GCNT1: variants seen among roughly 807,000 people sequenced by gnomAD.
GCNT1 encodes the protein beta-1,3-galactosyl-O-glycosyl-glycoprotein beta-1,6-N-acetylglucosaminyltransferase.
Under a neutral mutation model 26.2 loss-of-function variants are expected in GCNT1, and 16 were observed. The ratio of observed to expected loss-of-function variants is 0.61; its 90% CI spans 0.41 to 0.93. GCNT1 has a LOEUF of 0.93. GCNT1 is among the 40% of genes least tolerant of loss of function. The probability of loss-of-function intolerance (pLI) is 0.00; values close to 1 mark genes in which losing one functional copy is unlikely to be tolerated. For missense variants in GCNT1, 477 were observed against 526.7 expected (o/e 0.91, Z 0.92); for synonymous variants, 183 against 190.8 (o/e 0.96, Z 0.34).
intron 2 of GCNT1, among the ~76,000 whole-genome samples, chr9:76,467,159 C>T (rs530511454): frequency 6.6e-6 from 1 of 152,196 alleles, no homozygotes; most frequent in Non-Finnish European, 1.5e-5. Context: ...TCTCCTGCCT[C>T]AGCCTCCCAA....
At chr9:76,479,451 G>A (rs1274544434) in intron 2 of GCNT1, among the ~76,000 whole-genome samples, 1 of 152,176 alleles carries the variant, frequency 6.6e-6, no homozygotes, top group African/African-American at 2.4e-5. Flanking sequence ...CTTCCACAAT[G>A]GTTGAACCAG....
intron 2 of GCNT1, among the ~76,000 whole-genome samples, chr9:76,485,257 C>T (rs1285925778): frequency 6.6e-6 from 1 of 152,190 alleles, no homozygotes; most frequent in African/African-American, 2.4e-5. Context: ...ACTTCAACCT[C>T]CACCTCCCAG....
chr9:76,413,068 C>A, the GCNT1 span, among the ~76,000 whole-genome samples: 5 of 152,206 alleles, frequency 3.3e-5, no homozygotes, highest in East Asian at 9.6e-4. Flanking sequence ...CCTGTTGGCC[C>A]CATGGGGCAT....
chr9:76,447,374 G>A (rs1823594603), intron 1 of GCNT1, among the ~76,000 whole-genome samples: 2 of 151,560 alleles, frequency 1.3e-5, no homozygotes, highest in Non-Finnish European at 2.9e-5. Context: ...TTAATAGCTG[G>A]GACCATAGGT....
chr9:76,458,478 G>A (rs1479057334), upstream of GCNT1, among the ~76,000 whole-genome samples: 1 of 150,876 alleles, frequency 6.6e-6, no homozygotes, highest in East Asian at 1.9e-4. Context: ...CACCGCGCCC[G>A]GCCAGAATTT....
chr9:76,425,524 T>G (rs1305446404), intron 1 of GCNT1, among the ~76,000 whole-genome samples: 1 of 152,008 alleles, frequency 6.6e-6, no homozygotes, highest in African/African-American at 2.4e-5. Context: ...CACCCGGCCT[T>G]AATTTAATTT....
chr9:76,445,537 A>G (rs1823561608), intron 1 of GCNT1, among the ~76,000 whole-genome samples: 1 of 151,818 alleles, frequency 6.6e-6, no homozygotes, highest in African/African-American at 2.4e-5. Flanking sequence ...ACAGTCATGT[A>G]CCACCAAGCC....
At chr9:76,445,630 C>T (rs1421269313) in intron 1 of GCNT1, among the ~76,000 whole-genome samples, 2 of 150,728 alleles carry the variant, frequency 1.3e-5, no homozygotes, top group Admixed American at 6.6e-5. Flanking sequence ...CGAGCTCAAG[C>T]GATCCTCCCG....
At chr9:76,476,816 A>G in intron 2 of GCNT1, among the ~76,000 whole-genome samples, 1 of 152,208 alleles carries the variant, frequency 6.6e-6, no homozygotes, top group East Asian at 1.9e-4. Flanking sequence ...CACTAAACTC[A>G]AAAAGGTTAT....
the GCNT1 span, among the ~76,000 whole-genome samples, chr9:76,402,035 A>G: frequency 6.6e-6 from 1 of 152,244 alleles, no homozygotes; most frequent in African/African-American, 2.4e-5. Flanking sequence ...TTATTAACGT[A>G]GATTCCTCTT....
chr9:76,494,847 C>T, intron 2 of GCNT1, among the ~76,000 whole-genome samples: 1 of 152,066 alleles, frequency 6.6e-6, no homozygotes, highest in East Asian at 1.9e-4. Context: ...ACAGGGTCAG[C>T]CAACTTTCTG....
chr9:76,452,586 GGC>G (rs1823689304), intron 1 of GCNT1, among the ~76,000 whole-genome samples: 3 of 152,042 alleles, frequency 2.0e-5, no homozygotes, highest in Non-Finnish European at 2.9e-5. Context: ...CATCTTACAC[GGC>G]TGGAGCAGGG....
At chr9:76,419,213 T>C (rs1823159108), upstream of GCNT1, among the ~76,000 whole-genome samples, 1 of 152,158 alleles carries the variant, frequency 6.6e-6, no homozygotes, top group South Asian at 2.1e-4. Flanking sequence ...ATCACCATCT[T>C]ATTTACATGA....
intron 2 of GCNT1, among the ~76,000 whole-genome samples, 192 bp from the exon 3 acceptor site, chr9:76,500,724 G>C (rs1825041025): frequency 6.6e-6 from 1 of 152,112 alleles, no homozygotes; most frequent in Non-Finnish European, 1.5e-5. Context: ...CAAATCTTTA[G>C]CAATCCACAA....
chr9:76,433,385 C>T (rs936796846), intron 1 of GCNT1, among the ~76,000 whole-genome samples: 2 of 152,224 alleles, frequency 1.3e-5, no homozygotes, highest in Non-Finnish European at 2.9e-5. Flanking sequence ...GCTGTTAGCA[C>T]ACTGTAACAC....
At chr9:76,428,736 T>C (rs1425473755) in intron 1 of GCNT1, among the ~76,000 whole-genome samples, 3 of 150,576 alleles carry the variant, frequency 2.0e-5, no homozygotes, top group Non-Finnish European at 4.4e-5. Flanking sequence ...GTTTCGCTCT[T>C]GTTGCCCAGG....
At chr9:76,411,305 G>T in the GCNT1 span, among the ~76,000 whole-genome samples, 49 of 151,472 alleles carry the variant, frequency 3.2e-4, 1 homozygote, top group South Asian at 1.3e-3. Flanking sequence ...CATTTTGGGG[G>T]TTTTTTTTGT....
At chr9:76,498,987 CTT>C (rs957968209) in intron 2 of GCNT1, among the ~76,000 whole-genome samples, 5 of 151,520 alleles carry the variant, frequency 3.3e-5, no homozygotes, top group Non-Finnish European at 7.4e-5. Flanking sequence ...TGTCTAGAAT[CTT>C]TTCATTTCTG....
At position 76,470,356 on chromosome 9, in the gene GCNT1, CA is replaced by C. The variant is rs1824101716; in HGVS notation, c.-290+10180del. Among the ~76,000 whole-genome samples the C allele has an allele frequency of 2.0e-5, 3 of 152,142 alleles. No individual in the cohort carries two copies. In the South Asian group the frequency reaches 6.2e-4, roughly 32 times the overall value. On this transcript the variant is annotated intron_variant, in intron 2 of 3. Coordinates refer to ENST00000376730, the MANE Select transcript of GCNT1 (RefSeq NM_001490.5). ...TGGTACCTCATGCCTGTAATTTCAG[CA>C]CTTTGGGAGGTCGAGGCAGGCAGAT... is the stretch of plus-strand genomic sequence containing the variant.
Sources: allele counts gnomAD v4.1 joint callset (sites outside exome capture counted in the v4.1 genomes callset), GRCh38; gene constraint gnomAD v4.1.1; transcripts MANE v1.5; gene names NCBI Gene and HGNC (gene_info 2026-07-23, HGNC 2026-07-21).